PCDH15: variants seen among roughly 807,000 people sequenced by gnomAD.
The protein encoded by PCDH15 is protocadherin-15.
Under a neutral mutation model 178.5 loss-of-function variants are expected in PCDH15, and 129 were observed. The ratio of observed to expected loss-of-function variants is 0.72; its 90% CI spans 0.63 to 0.84. The LOEUF (loss-of-function observed/expected upper bound fraction) is 0.84. Among genes scored for constraint, PCDH15 ranks in the 40% least tolerant of loss-of-function variants. The pLI is 0.00. For missense variants in PCDH15, 2,230 were observed against 2,099.9 expected (o/e 1.06, Z -1.21); for synonymous variants, 800 against 732.0 (o/e 1.09, Z -1.50).
At chr10:55,060,476 T>C (rs991796871) in intron 2 of PCDH15, among the ~76,000 whole-genome samples, 4 of 152,064 alleles carry the variant, frequency 2.6e-5, no homozygotes, top group African/African-American at 4.8e-5. Flanking sequence ...TTTGGGTTTA[T>C]ATTCAAAGTC....
intron 3 of PCDH15, among the ~76,000 whole-genome samples, chr10:54,419,243 T>TACAC (rs146831797): frequency 0.45 from 67,688 of 150,536 alleles, 15,932 homozygotes; most frequent in Middle Eastern, 0.51. Flanking sequence ...CATATATACA[T>TACAC]ACACACACAC....
At chr10:54,693,310 C>T (rs11004447) in intron 1 of PCDH15, among the ~76,000 whole-genome samples, 50,300 of 150,734 alleles carry the variant, frequency 0.33, 8,463 homozygotes, top group African/African-American at 0.39. Flanking sequence ...GTAAATGAGC[C>T]CTTTATATGA....
At chr10:54,618,768 A>G (rs1426434651) in intron 2 of PCDH15, among the ~76,000 whole-genome samples, 1 of 152,094 alleles carries the variant, frequency 6.6e-6, no homozygotes, top group Admixed American at 6.6e-5. Context: ...ATATTATTAC[A>G]AAAGTATGTG....
chr10:55,456,288 T>C (rs1489717438), intron 2 of PCDH15, among the ~76,000 whole-genome samples: 1 of 152,148 alleles, frequency 6.6e-6, no homozygotes, highest in Non-Finnish European at 1.5e-5. Flanking sequence ...TCATAGTAGT[T>C]ACCTATGGAG....
intron 2 of PCDH15, among the ~76,000 whole-genome samples, chr10:54,897,701 G>A (rs955286613): frequency 6.6e-5 from 10 of 152,038 alleles, no homozygotes; most frequent in Admixed American, 3.9e-4. Context: ...CATTAGAAAT[G>A]TGCTAATTCT....
At chr10:54,554,282 A>G (rs1444862297) in intron 2 of PCDH15, among the ~76,000 whole-genome samples, 1 of 152,170 alleles carries the variant, frequency 6.6e-6, no homozygotes, top group Admixed American at 6.5e-5. Context: ...TTTAGACATC[A>G]ACAAGCTTCT....
Position 55,463,959 on chromosome 10 carries a change from AAGAAAGAAAGAAAGAGAAAGAAAG to A in PCDH15, c.-156+163642_-156+163665del, listed in dbSNP as rs1839754367. 1.8e-4 allele frequency among the ~76,000 whole-genome samples: 8 copies of A among 44,098 alleles called. 2 individuals are homozygous for A. The highest frequency in any genetic ancestry group is 1.3e-3 in the African/African-American group (8 of 6,126). The allele number at this position is 44,098 out of a possible 152,430, so 28.9% of individuals were successfully genotyped here. On this transcript the variant is annotated intron_variant, in intron 2 of 5. Coordinates refer to the PCDH15 transcript ENST00000613346. Reference sequence around the variant, plus strand: ...AAAGAAAGAAAGAAAGAAAGAAAGAAAGAAAGAAAGAAAGAGAAAGAAAGAAAGAAAGAGAAAGAAAGAAAGAAA... The same window carrying A: ...AAAGAAAGAAAGAAAGAAAGAAAGAAAAAGAAAGAGAAAGAAAGAAAGAAA...
chr10:54,367,825 G>GTA (rs1325085820), intron 5 of PCDH15, among the ~76,000 whole-genome samples: 4 of 151,312 alleles, frequency 2.6e-5, no homozygotes, highest in Non-Finnish European at 2.9e-5. Flanking sequence ...ATATATGTGT[G>GTA]TATATATATA....
intron 21 of PCDH15, among the ~76,000 whole-genome samples, chr10:53,988,574 A>C (rs1391307776): frequency 6.6e-6 from 1 of 152,156 alleles, no homozygotes; most frequent in African/African-American, 2.4e-5. Context: ...TAAGACCAGG[A>C]ATTATGAGTG....
intron 18 of PCDH15, among the ~76,000 whole-genome samples, chr10:54,037,630 A>G (rs2093446450): frequency 6.6e-6 from 1 of 151,988 alleles, no homozygotes; most frequent in Non-Finnish European, 1.5e-5. Flanking sequence ...GGGAAACCTA[A>G]AACCTTATGT....
intron 2 of PCDH15, among the ~76,000 whole-genome samples, chr10:55,408,019 A>G (rs939358200): frequency 1.3e-5 from 2 of 152,132 alleles, no homozygotes; most frequent in Admixed American, 1.3e-4. Context: ...TGTGCTCTCC[A>G]ACACTAACCA....
chr10:55,273,961 T>C (rs1310016991), intron 1 of PCDH15, among the ~76,000 whole-genome samples: 1 of 152,120 alleles, frequency 6.6e-6, no homozygotes, highest in African/African-American at 2.4e-5. Context: ...AGGCCATCCA[T>C]GTAAAATTAA....
At chr10:55,346,658 C>T (rs1470866998) in intron 2 of PCDH15, among the ~76,000 whole-genome samples, 6 of 150,650 alleles carry the variant, frequency 4.0e-5, no homozygotes, top group South Asian at 2.1e-4. Flanking sequence ...ATGCAATATG[C>T]GTTAAACTAA....
At chr10:53,877,718 T>C (rs2080348737) in intron 26 of PCDH15, among the ~76,000 whole-genome samples, 2 of 152,158 alleles carry the variant, frequency 1.3e-5, no homozygotes, top group East Asian at 1.9e-4. Flanking sequence ...ACACCATCTA[T>C]GAACTGAACT....
At chr10:54,876,408 C>T (rs539693581) in intron 3 of PCDH15, among the ~76,000 whole-genome samples, 1 of 152,228 alleles carries the variant, frequency 6.6e-6, no homozygotes, top group East Asian at 1.9e-4. Flanking sequence ...AGATTTATTA[C>T]TAAAAAATAC....
At chr10:54,073,168 A>T (rs1382310433) in intron 17 of PCDH15, among the ~76,000 whole-genome samples, 1 of 151,490 alleles carries the variant, frequency 6.6e-6, no homozygotes, top group Non-Finnish European at 1.5e-5. Flanking sequence ...GCAATCGTGC[A>T]TGTTTTTATA....
rs2092576212 is a variant in PCDH15 at position 54,011,276 on chromosome 10, C to T, written c.2751+8916G>A. Among the ~76,000 whole-genome samples the T allele has an allele frequency of 2.0e-5, 3 of 152,198 alleles. No homozygotes were observed. In the South Asian group the frequency reaches 6.2e-4, roughly 31 times the overall value. On this transcript the variant is annotated intron_variant, in intron 20 of 37. Coordinates refer to ENST00000644397, the MANE Select transcript of PCDH15 (RefSeq NM_001384140.1). Reference sequence around the variant, plus strand: ...AAAGACCCTGAGTGCTTTAGCCACACCTCCAGACAGCTGCATCACCCACAA... The same window carrying T: ...AAAGACCCTGAGTGCTTTAGCCACATCTCCAGACAGCTGCATCACCCACAA...
chr10:53,842,422 T>G (rs906502312), intron 28 of PCDH15, among the ~76,000 whole-genome samples: 6 of 152,070 alleles, frequency 3.9e-5, no homozygotes, highest in Non-Finnish European at 7.4e-5. Flanking sequence ...ATTTTTGTAT[T>G]TTTTAGTAGA....
chr10:54,307,055 TATATATATATATATATATATATATAC>T (rs1280829877), intron 8 of PCDH15, among the ~76,000 whole-genome samples: 3 of 8,768 alleles, frequency 3.4e-4, no homozygotes, highest in East Asian at 6.9e-3. Context: ...TATATATATA[TATATATATATATATATATATATATAC>T]ATATATATAT....
Sources: allele counts gnomAD v4.1 joint callset (sites outside exome capture counted in the v4.1 genomes callset), GRCh38; gene constraint gnomAD v4.1.1; transcripts MANE v1.5; gene names NCBI Gene and HGNC (gene_info 2026-07-23, HGNC 2026-07-21).